GON4L: variants seen among roughly 807,000 people sequenced by gnomAD.
The protein encoded by GON4L is gon-4 like.
Under a neutral mutation model 211.8 loss-of-function variants are expected in GON4L, and 87 were observed. That is an observed-to-expected ratio of 0.41 (90% confidence interval 0.35 to 0.49). The LOEUF is 0.49. GON4L is among the 20% of genes least tolerant of loss of function. The pLI, the probability that GON4L is intolerant of heterozygous loss-of-function variation, is 0.15. For missense variants in GON4L, 2,155 were observed against 2,659.5 expected, an observed-to-expected ratio of 0.81 and a Z score of 4.17; for synonymous variants, 875 against 962.6, an observed-to-expected ratio of 0.91 and a Z score of 1.68.
intron 11 of GON4L, among the ~76,000 whole-genome samples, chr1:155,798,405 GTTC>G (rs1425712466): frequency 7.1e-6 from 1 of 141,650 alleles, no homozygotes; most frequent in African/African-American, 2.6e-5. Context: ...TTCACAGCAA[GTTC>G]TTTTTTTTTT....
rs376747 is a variant in GON4L, at chr1:155,752,007, G to A, written c.6426C>T (p.Asn2142=). 230 of 1,613,280 alleles carry A rather than the reference G, an allele frequency of 1.4e-4. No individual in the cohort carries two copies. Among genetic ancestry groups the A allele is most frequent in the East Asian group, 7.6e-4 (34 of 44,858 alleles). Residue 2142 remains asparagine (N), a synonymous_variant, in exon 30 of 32, where the codon AAC becomes AAT. Transcript: ENST00000368331. ...CCCCAGTGGAGCTGACCTTGCTGTTGTTGGCACACACCGTAGCTTCTGCGG... is the reference window on the plus strand; with the variant it reads ...CCCCAGTGGAGCTGACCTTGCTGTTATTGGCACACACCGTAGCTTCTGCGG... ...PKAAEATVCA[N]NSKVSSTGEK...
chr1:155,766,850 A>T, intron 20 of GON4L, 141 bp from the exon 21 acceptor site: 1 of 1,302,116 alleles, frequency 7.7e-7, no homozygotes, highest in South Asian at 1.2e-5. Flanking sequence ...GTTCAGGATG[A>T]GCCTGACCAA....
Position 155,771,064 on chromosome 1 carries a change from C to T in GON4L, c.2646+3G>A, listed in dbSNP as rs1663146387. 1 of 1,614,030 alleles carries T rather than the reference C, an allele frequency of 6.2e-7. No individual in the cohort carries two copies. The highest frequency in any genetic ancestry group is 1.3e-5 in the African/African-American group (1 of 74,918). Reference sequence around the variant, plus strand: ...CCGGATGGCGCATGCAGGAAACACTCACTTTAATGATGTTGTCAGGAGCTC... The same window carrying T: ...CCGGATGGCGCATGCAGGAAACACTTACTTTAATGATGTTGTCAGGAGCTC... On this transcript the variant is annotated splice_donor_region_variant and intron_variant, in intron 19 of 31. Transcript: ENST00000368331.
intron 2 of GON4L, among the ~76,000 whole-genome samples, chr1:155,836,244 T>C (rs890686731): frequency 9.1e-5 from 10 of 110,292 alleles, no homozygotes; most frequent in Admixed American, 8.2e-4. Flanking sequence ...GTGTGTTTTG[T>C]TTTCGTTTTT....
chr1:155,768,816 A>G (rs1662849062), intron 19 of GON4L, among the ~76,000 whole-genome samples: 1 of 152,046 alleles, frequency 6.6e-6, no homozygotes, highest in Admixed American at 6.6e-5. Flanking sequence ...CTTTGGCTCC[A>G]ATGTTTTGAA....
At chr1:155,767,593 C>T (rs578219353) in intron 19 of GON4L, 52 bp from the exon 20 acceptor site, 236 of 1,465,364 alleles carry the variant, frequency 1.6e-4, no homozygotes, top group South Asian at 1.5e-3. Flanking sequence ...AAACACTGTC[C>T]CCTGTCAGGC....
intron 15 of GON4L, among the ~76,000 whole-genome samples, chr1:155,777,105 T>C (rs998659228): frequency 6.6e-6 from 1 of 152,230 alleles, no homozygotes; most frequent in Non-Finnish European, 1.5e-5. Flanking sequence ...TTGAAATCTA[T>C]ATTTCTGAAT....
rs1671967305 is a variant in GON4L, at chr1:155,853,170, A to G, written c.505+106T>C. Reference sequence around the variant, plus strand: ...AACACAGCAGTTCCAATTCCGTACCAAATCAATATCCCCTTTCAGAAATAC... The same window carrying G: ...AACACAGCAGTTCCAATTCCGTACCGAATCAATATCCCCTTTCAGAAATAC... On this transcript the variant is annotated intron_variant, in intron 2 of 31. Coordinates refer to ENST00000368331, the MANE Select transcript of GON4L (RefSeq NM_001282860.2). 8.5e-6 allele frequency: 9 copies of G among 1,053,842 alleles called. No individual in the cohort carries two copies. The East Asian group carries it at 2.1e-4, about 25-fold the overall frequency. 65.3% of individuals were successfully genotyped at this position (1,053,842 alleles called of 1,614,324 possible).
chr1:155,775,494 G>A (rs563460607), intron 16 of GON4L, among the ~76,000 whole-genome samples: 2 of 149,500 alleles, frequency 1.3e-5, no homozygotes, highest in South Asian at 4.2e-4. Flanking sequence ...TCGCTCTGTC[G>A]CCCAGGCTGG....
chr1:155,806,706 C>T (rs1094462), intron 10 of GON4L, among the ~76,000 whole-genome samples: 126,836 of 152,058 alleles, frequency 0.83, 55,389 homozygotes, highest in East Asian at 1. Flanking sequence ...GCCCCGAATT[C>T]CTTTTTTCAC....
intron 17 of GON4L, among the ~76,000 whole-genome samples, chr1:155,774,652 C>T (rs1247513164): frequency 6.6e-6 from 1 of 152,118 alleles, no homozygotes; most frequent in East Asian, 1.9e-4. Flanking sequence ...CATGACCAAA[C>T]TTTACCACCT....
intron 12 of GON4L, 113 bp from the exon 13 acceptor site, chr1:155,785,487 T>A (rs1664848569): frequency 1.2e-6 from 1 of 804,312 alleles, no homozygotes; most frequent in East Asian, 2.5e-5. Context: ...ATTCTTCATA[T>A]CTATCCTTCT....
intron 6 of GON4L, among the ~76,000 whole-genome samples, chr1:155,819,694 G>A (rs1368521741): frequency 6.6e-6 from 1 of 152,164 alleles, no homozygotes; most frequent in African/African-American, 2.4e-5. Flanking sequence ...TACCTGCCTT[G>A]TAAGCACAAA....
chr1:155,801,782 C>A (rs180995038), intron 11 of GON4L, among the ~76,000 whole-genome samples: 191 of 152,068 alleles, frequency 1.3e-3, no homozygotes, highest in African/African-American at 4.2e-3. Flanking sequence ...ACTGGGGAGG[C>A]TGAGACAGGA....
At chr1:155,774,816 G>C in intron 17 of GON4L, 186 bp downstream of exon 17, 1 of 927,176 alleles carries the variant, frequency 1.1e-6, no homozygotes, top group South Asian at 1.5e-5. Flanking sequence ...CCCAGGCCCA[G>C]AGATTATCAT....
intron 2 of GON4L, among the ~76,000 whole-genome samples, chr1:155,829,555 G>A (rs1014571902): frequency 3.9e-5 from 6 of 152,190 alleles, no homozygotes; most frequent in African/African-American, 7.2e-5. Flanking sequence ...AGCCAAGGTT[G>A]CAGTGAGCCA....
At chr1:155,818,122 ATATTCT>A (rs1179347428) in intron 6 of GON4L, among the ~76,000 whole-genome samples, 1 of 151,568 alleles carries the variant, frequency 6.6e-6, no homozygotes, top group African/African-American at 2.4e-5. Context: ...AATGTTAATT[ATATTCT>A]TTTTTTTTTT....
chr1:155,859,309 A>C (rs1672500665), upstream of GON4L: 1 of 176,708 alleles, frequency 5.7e-6, no homozygotes, highest in Non-Finnish European at 1.2e-5. Flanking sequence ...CTTACCCTTC[A>C]GTACTTTCTC....
rs58821661 is a variant in GON4L at position 155,805,988 on chromosome 1, G to GTT, written c.1453-849_1453-848dup. Among the ~76,000 whole-genome samples the GTT allele has an allele frequency of 6.4e-4, 86 of 133,342 alleles. 1 individual carries two copies. The highest frequency in any genetic ancestry group is 1.1e-3 in the African/African-American group (39 of 36,148). 87.5% of individuals were successfully genotyped at this position (133,342 alleles called of 152,430 possible). ...ACAGCTGTGAGCCACCATGCCTGGT[G>GTT]TTTTTTTTTTTTTTTTTAAGAGATA... is the stretch of plus-strand genomic sequence containing the variant. On this transcript the variant is annotated intron_variant, in intron 10 of 31. Coordinates refer to ENST00000368331, the MANE Select transcript of GON4L (RefSeq NM_001282860.2).
Sources: allele counts gnomAD v4.1 joint callset (sites outside exome capture counted in the v4.1 genomes callset), GRCh38; gene constraint gnomAD v4.1.1; transcripts MANE v1.5; gene names NCBI Gene and HGNC (gene_info 2026-07-23, HGNC 2026-07-21).